The following GPM6A variants were observed in gnomAD, a reference collection of about 807,000 sequenced individuals.
GPM6A encodes the protein neuronal membrane glycoprotein M6-a.
A neutral mutation model predicts 32.1 loss-of-function variants in GPM6A; 7 were observed. The ratio of observed to expected loss-of-function variants is 0.22; its 90% CI spans 0.12 to 0.41. The LOEUF is 0.41. Ranked by LOEUF, GPM6A falls within the 10% of genes least tolerant of loss-of-function variation. GPM6A has a pLI of 1.00. For missense variants in GPM6A, 235 were observed against 347.2 expected (o/e 0.68, Z 2.57); for synonymous variants, 130 against 123.4 (o/e 1.05, Z -0.35).
intron 1 of GPM6A, among the ~76,000 whole-genome samples, chr4:175,803,722 TAAC>T (rs1396944526): frequency 7.8e-4 from 119 of 152,138 alleles, no homozygotes; most frequent in Non-Finnish European, 1.8e-4. Flanking sequence ...GCCAGGGCTT[TAAC>T]ACAGGTCATC....
intron 1 of GPM6A, among the ~76,000 whole-genome samples, chr4:175,973,242 C>A (rs561926744): frequency 1.3e-5 from 2 of 152,302 alleles, no homozygotes; most frequent in Non-Finnish European, 1.5e-5. Context: ...AAGCAGTCCA[C>A]GTCAACAGAG....
intron 1 of GPM6A, among the ~76,000 whole-genome samples, chr4:175,783,584 T>G (rs919317482): frequency 6.6e-6 from 1 of 152,078 alleles, no homozygotes; most frequent in Admixed American, 6.5e-5. Context: ...GAATGCATAC[T>G]TTGATTCAAT....
chr4:175,745,436 A>C (rs930473631), intron 1 of GPM6A, among the ~76,000 whole-genome samples: 1 of 152,230 alleles, frequency 6.6e-6, no homozygotes, highest in African/African-American at 2.4e-5. Flanking sequence ...AAGATAAAAA[A>C]CATGAGCTTT....
Position 175,670,257 on chromosome 4 carries a change from A to C in GPM6A, c.387+3423T>G, listed in dbSNP as rs1742980545. On this transcript the variant is annotated intron_variant, in intron 3 of 6. Transcript: ENST00000393658. ...CATTTGGGAAATCTATTACTTCGAA[A>C]GTGTTGCATTTAAAAATCTAAATTT... is the stretch of plus-strand genomic sequence containing the variant. 4.6e-5 allele frequency among the ~76,000 whole-genome samples: 7 copies of C among 152,330 alleles called. No homozygotes were observed. In the South Asian group the frequency reaches 1.4e-3, roughly 32 times the overall value.
intron 1 of GPM6A, among the ~76,000 whole-genome samples, chr4:175,828,815 C>G (rs1735516139): frequency 6.6e-6 from 1 of 151,864 alleles, no homozygotes; most frequent in East Asian, 1.9e-4. Flanking sequence ...TTACAATAAA[C>G]TTTATCTTTT....
chr4:175,666,328 A>T (rs1742751316), intron 3 of GPM6A, among the ~76,000 whole-genome samples: 1 of 152,192 alleles, frequency 6.6e-6, no homozygotes, highest in Admixed American at 6.5e-5. Flanking sequence ...TTCCCCATAA[A>T]GCAACCTTAA....
chr4:175,635,562 T>C (rs922967410), intron 6 of GPM6A, among the ~76,000 whole-genome samples: 2 of 152,176 alleles, frequency 1.3e-5, no homozygotes, highest in African/African-American at 4.8e-5. Context: ...ATGAATTTTG[T>C]AGTTTCTTTT....
intron 1 of GPM6A, among the ~76,000 whole-genome samples, chr4:175,991,065 ATCTT>A (rs923368906): frequency 2.8e-5 from 4 of 142,114 alleles, no homozygotes; most frequent in Non-Finnish European, 6.0e-5. Context: ...TTCTTTCTTT[ATCTT>A]TCTTTCTTTT....
chr4:175,803,256 C>A (rs945378383), intron 1 of GPM6A, among the ~76,000 whole-genome samples: 2 of 151,830 alleles, frequency 1.3e-5, no homozygotes, highest in Non-Finnish European at 2.9e-5. Context: ...GGTTCATGAA[C>A]AAACGATAAA....
intron 1 of GPM6A, chr4:175,891,614 C>G (rs1241988992): frequency 6.6e-6 from 1 of 152,142 alleles, no homozygotes; most frequent in Non-Finnish European, 1.5e-5. Flanking sequence ...GAGGCATTAA[C>G]CAGAATAAGT....
chr4:175,778,639 A>G (rs1415425248), intron 1 of GPM6A, among the ~76,000 whole-genome samples: 2 of 148,768 alleles, frequency 1.3e-5, no homozygotes, highest in Non-Finnish European at 3.0e-5. Flanking sequence ...AAAAAAAAAA[A>G]AAAAAAAAAA....
At chr4:175,681,711 C>T (rs1300616295) in intron 2 of GPM6A, among the ~76,000 whole-genome samples, 5 of 152,084 alleles carry the variant, frequency 3.3e-5, no homozygotes, top group Non-Finnish European at 7.4e-5. Context: ...TCACCTTCTG[C>T]TATGATGGCA....
At chr4:175,701,554 A>G (rs752366922) in intron 2 of GPM6A, 21 bp downstream of exon 2, 8 of 1,569,250 alleles carry the variant, frequency 5.1e-6, no homozygotes, top group Non-Finnish European at 4.4e-6. Flanking sequence ...GAAAATAACA[A>G]GAAATACTAG....
chr4:175,701,896 C>T, intron 1 of GPM6A, 129 bp from the exon 2 acceptor site: 1 of 605,618 alleles, frequency 1.7e-6, no homozygotes, highest in Non-Finnish European at 2.9e-6. Context: ...AAATGAAGTC[C>T]TAGAGTGCAT....
chr4:175,746,173 C>T (rs746994876), intron 1 of GPM6A, among the ~76,000 whole-genome samples: 2 of 152,100 alleles, frequency 1.3e-5, no homozygotes, highest in African/African-American at 2.4e-5. Context: ...AAAAACCATA[C>T]ATTCCGATTC....
intron 1 of GPM6A, among the ~76,000 whole-genome samples, chr4:175,908,479 T>A (rs1738201263): frequency 6.6e-6 from 1 of 152,028 alleles, no homozygotes; most frequent in African/African-American, 2.4e-5. Context: ...TTTGAACACA[T>A]AAACAAAAAT....
chr4:175,782,460 G>GC (rs1733647379), intron 1 of GPM6A, among the ~76,000 whole-genome samples: 1 of 152,088 alleles, frequency 6.6e-6, no homozygotes, highest in African/African-American at 2.4e-5. Context: ...AGGTAAAGGT[G>GC]CTATGTCATG....
At chr4:175,960,790 A>T (rs1447087823) in intron 1 of GPM6A, 2 of 152,242 alleles carry the variant, frequency 1.3e-5, no homozygotes, top group Admixed American at 1.3e-4. Flanking sequence ...ATTACACAAG[A>T]TCTCTTCAAA....
intron 3 of GPM6A, among the ~76,000 whole-genome samples, chr4:175,671,030 A>AT (rs1364991739): frequency 1.5e-4 from 22 of 151,456 alleles, no homozygotes; most frequent in Non-Finnish European, 1.8e-4. Context: ...TGCCCGGCTA[A>AT]TTTTTTTATT....
Sources: allele counts gnomAD v4.1 joint callset (sites outside exome capture counted in the v4.1 genomes callset), GRCh38; gene constraint gnomAD v4.1.1; transcripts MANE v1.5; gene names NCBI Gene and HGNC (gene_info 2026-07-23, HGNC 2026-07-21).